The following ZNF385D variants were observed in gnomAD, a reference collection of about 807,000 sequenced individuals.
The protein encoded by ZNF385D is zinc finger protein 659.
ZNF385D carries 15 observed loss-of-function variants against 35.8 expected under a neutral mutation model. The observed-to-expected ratio is 0.42, with a 90% CI of 0.28 to 0.64. The LOEUF (loss-of-function observed/expected upper bound fraction) is 0.64, where lower values mean the gene tolerates loss of function less well. ZNF385D is among the 30% of genes least tolerant of loss of function. The pLI, the probability that ZNF385D is intolerant of heterozygous loss-of-function variation, is 0.23. For missense variants in ZNF385D, 474 were observed against 494.6 expected (o/e 0.96, Z 0.39); for synonymous variants, 212 against 186.8 (o/e 1.13, Z -1.10).
rs971924631 is a variant in ZNF385D at position 22,103,257 on chromosome 3, T to C, written c.325+65560A>G. On this transcript the variant is annotated intron_variant, in intron 3 of 5. Coordinates refer to the ZNF385D transcript ENST00000494108. ...CATGTCTGTCTTCCCTGATAAACTGTGAGTTTCTTGAGGGCAAGGGCCATA... is the reference window on the plus strand; with the variant it reads ...CATGTCTGTCTTCCCTGATAAACTGCGAGTTTCTTGAGGGCAAGGGCCATA... 3.3e-5 allele frequency among the ~76,000 whole-genome samples: 5 copies of C among 151,782 alleles called. No individual in the cohort carries two copies. The South Asian group carries it at 1.0e-3, about 32-fold the overall frequency.
intron 2 of ZNF385D, among the ~76,000 whole-genome samples, chr3:21,596,558 C>T (rs937364432): frequency 3.3e-5 from 5 of 151,760 alleles, no homozygotes; most frequent in Non-Finnish European, 7.4e-5. Context: ...TGCTCTCACC[C>T]AGGCTGGACT....
intron 2 of ZNF385D, among the ~76,000 whole-genome samples, chr3:22,171,243 A>T (rs1392311027): frequency 6.6e-6 from 1 of 152,232 alleles, no homozygotes; most frequent in African/African-American, 2.4e-5. Flanking sequence ...CTTGTAACAC[A>T]TCATTTTTGC....
intron 3 of ZNF385D, among the ~76,000 whole-genome samples, chr3:22,126,266 T>C (rs563344307): frequency 6.6e-6 from 1 of 150,946 alleles, no homozygotes; most frequent in Non-Finnish European, 1.5e-5. Context: ...AAATCCCACA[T>C]TGTGGGATTT....
intron 1 of ZNF385D, among the ~76,000 whole-genome samples, chr3:21,694,933 G>A (rs1372296610): frequency 1.3e-5 from 2 of 152,306 alleles, no homozygotes; most frequent in African/African-American, 4.8e-5. Flanking sequence ...AAGGGAAGAA[G>A]GAAGCATGCA....
chr3:21,507,841 A>T (rs904503108), intron 4 of ZNF385D, among the ~76,000 whole-genome samples: 2 of 152,180 alleles, frequency 1.3e-5, no homozygotes, highest in African/African-American at 4.8e-5. Context: ...GTTAGCCTAG[A>T]TGCCTCAGGT....
intron 2 of ZNF385D, among the ~76,000 whole-genome samples, chr3:22,281,522 A>G (rs1701739658): frequency 6.6e-6 from 1 of 152,096 alleles, no homozygotes; most frequent in South Asian, 2.1e-4. Flanking sequence ...AGTTCTGGTT[A>G]CGTGGTATAT....
chr3:21,797,941 C>A (rs1379571663), intron 3 of ZNF385D, among the ~76,000 whole-genome samples: 1 of 152,148 alleles, frequency 6.6e-6, no homozygotes, highest in Admixed American at 6.5e-5. Context: ...TACCATTATA[C>A]ATTTGTCTAA....
chr3:21,763,992 G>A (rs1055100382), intron 3 of ZNF385D, among the ~76,000 whole-genome samples: 1 of 152,188 alleles, frequency 6.6e-6, no homozygotes, highest in South Asian at 2.1e-4. Flanking sequence ...CCCAAAGAAT[G>A]AGATACTGCA....
chr3:21,465,232 A>G lies in ZNF385D; in HGVS notation c.440-28029T>C, dbSNP rs1171769214. On this transcript the variant is annotated intron_variant, in intron 4 of 7. Transcript: ENST00000281523. The surrounding 1 kb of genome is among the most constrained non-coding windows in gnomAD (Gnocchi z 4.2). Reference sequence around the variant, plus strand: ...TATTTTCACATAGGGAACTACACTTATCTCCAGAGTCTTCCCAATTTCTTT... The same window carrying G: ...TATTTTCACATAGGGAACTACACTTGTCTCCAGAGTCTTCCCAATTTCTTT... Among the ~76,000 whole-genome samples the G allele has an allele frequency of 6.6e-6, 1 of 152,150 alleles. No individual in the cohort carries two copies. Among genetic ancestry groups the G allele is most frequent in the Non-Finnish European group, 1.5e-5 (1 of 68,036 alleles).
At chr3:21,436,504 C>T (rs547731494) in intron 5 of ZNF385D, among the ~76,000 whole-genome samples, 2 of 152,072 alleles carry the variant, frequency 1.3e-5, no homozygotes, top group South Asian at 4.2e-4. Flanking sequence ...TTTAATTGTC[C>T]AGGTTCCATA....
chr3:21,438,673 C>T (rs1444453376), intron 4 of ZNF385D, among the ~76,000 whole-genome samples: 1 of 152,110 alleles, frequency 6.6e-6, no homozygotes, highest in Non-Finnish European at 1.5e-5. Flanking sequence ...TGACACTTCA[C>T]ACACTTTCAA....
intron 3 of ZNF385D, among the ~76,000 whole-genome samples, chr3:21,941,405 A>G (rs1196771368): frequency 1.3e-5 from 2 of 152,074 alleles, no homozygotes; most frequent in African/African-American, 4.8e-5. Flanking sequence ...CTTAGCTGAA[A>G]TAAGTGAAGC....
Position 22,356,199 on chromosome 3 carries a change from G to T in ZNF385D, c.106+16251C>A, listed in dbSNP as rs370823684. 5.3e-5 allele frequency among the ~76,000 whole-genome samples: 8 copies of T among 152,072 alleles called. No homozygotes were observed. The East Asian group carries it at 9.7e-4, about 18-fold the overall frequency. On this transcript the variant is annotated intron_variant, in intron 2 of 5. Coordinates refer to the ZNF385D transcript ENST00000494108. The stretch of plus-strand genomic sequence containing the variant: ...AATCATACAAATACCACACAACAAT[G>T]CATCTATGTTTATACCTCATAGGTA...
intron 2 of ZNF385D, among the ~76,000 whole-genome samples, chr3:22,300,464 T>C (rs1346610261): frequency 6.6e-6 from 1 of 151,670 alleles, no homozygotes; most frequent in East Asian, 1.9e-4. Flanking sequence ...AGTAAAATCT[T>C]CTGTACAGCA....
At chr3:22,113,794 T>TA (rs1702665876) in intron 3 of ZNF385D, among the ~76,000 whole-genome samples, 1 of 152,058 alleles carries the variant, frequency 6.6e-6, no homozygotes, top group Non-Finnish European at 1.5e-5. Flanking sequence ...TCTCTTCTGC[T>TA]AAAGGAAGTT....
intron 2 of ZNF385D, among the ~76,000 whole-genome samples, chr3:22,181,705 A>T (rs1485094094): frequency 6.6e-6 from 1 of 151,996 alleles, no homozygotes; most frequent in African/African-American, 2.4e-5. Flanking sequence ...CTCAAAAAAA[A>T]AAAAAAAAAA....
intron 2 of ZNF385D, among the ~76,000 whole-genome samples, chr3:21,660,011 G>T (rs1000729128): frequency 2.0e-5 from 3 of 152,004 alleles, no homozygotes; most frequent in African/African-American, 7.3e-5. Context: ...TCCTCGACTT[G>T]TTGATCAAAA....
At chr3:21,902,624 T>G (rs746078549) in intron 3 of ZNF385D, among the ~76,000 whole-genome samples, 1 of 152,148 alleles carries the variant, frequency 6.6e-6, no homozygotes, top group African/African-American at 2.4e-5. Flanking sequence ...AGCAGAATGG[T>G]GTCATTGAAA....
intron 3 of ZNF385D, among the ~76,000 whole-genome samples, chr3:21,846,394 T>G (rs573214895): frequency 3.9e-5 from 6 of 152,216 alleles, no homozygotes; most frequent in Admixed American, 3.9e-4. Flanking sequence ...AAAAGCACTT[T>G]CTCATAAACT....
Sources: allele counts gnomAD v4.1 joint callset (sites outside exome capture counted in the v4.1 genomes callset), GRCh38; gene constraint gnomAD v4.1.1; non-coding constraint Gnocchi (gnomAD v3.1); transcripts MANE v1.5; gene names NCBI Gene and HGNC (gene_info 2026-07-23, HGNC 2026-07-21).